Variants in LRIF1 observed in about 807,000 individuals in gnomAD.
LRIF1 encodes the protein ligand dependent nuclear receptor interacting factor 1, also known as ligand-dependent nuclear receptor-interacting factor 1.
LRIF1 carries 32 observed loss-of-function variants against 52.7 expected under a neutral mutation model. The ratio of observed to expected loss-of-function variants is 0.61; its 90% CI spans 0.46 to 0.82. The LOEUF (loss-of-function observed/expected upper bound fraction) is 0.82, where lower values mean the gene tolerates loss of function less well. Ranked by LOEUF, LRIF1 falls within the 40% of genes least tolerant of loss-of-function variation. The probability of loss-of-function intolerance (pLI) is 0.00; values close to 1 mark genes in which losing one functional copy is unlikely to be tolerated. For synonymous variants in LRIF1, 323 were observed against 317.4 expected (o/e 1.02, Z -0.19); for missense variants, 887 against 892.0 (o/e 0.99, Z 0.07).
chr1:110,963,025 G>A (rs1659026495), intron 1 of LRIF1, among the ~76,000 whole-genome samples: 2 of 152,136 alleles, frequency 1.3e-5, no homozygotes, highest in Middle Eastern at 3.4e-3. Flanking sequence ...AATAGCCAAT[G>A]AAATGGCACT....
chr1:110,949,722 A>T, intron 3 of LRIF1, 129 bp downstream of exon 3: 1 of 1,020,334 alleles, frequency 9.8e-7, no homozygotes, highest in Non-Finnish European at 1.4e-6. Flanking sequence ...TTTTGGTATT[A>T]TGTATTTGCA....
the LRIF1 span, chr1:110,894,505 G>C: frequency 1.1e-6 from 1 of 893,900 alleles, no homozygotes; most frequent in Non-Finnish European, 1.8e-6. Context: ...AATAGAGATA[G>C]AAATGAAGTG....
intron 1 of LRIF1, among the ~76,000 whole-genome samples, chr1:110,962,357 G>T (rs1658997326): frequency 6.6e-6 from 1 of 151,958 alleles, no homozygotes. Context: ...CTCTTTTTAT[G>T]ATTTGAAATA....
Position 110,949,309 on chromosome 1 carries a change from G to A in LRIF1, c.1869+542C>T, listed in dbSNP as rs1297193280. ...AATTTTTTGTATTTTTAGTAGAGACGGGGTTTCACCATGTTGGCCAAGATG... is the reference window on the plus strand; with the variant it reads ...AATTTTTTGTATTTTTAGTAGAGACAGGGTTTCACCATGTTGGCCAAGATG... On this transcript the variant is annotated intron_variant, in intron 3 of 3. Coordinates refer to ENST00000369763, the MANE Select transcript of LRIF1 (RefSeq NM_018372.4). 2.6e-5 allele frequency among the ~76,000 whole-genome samples: 4 copies of A among 151,902 alleles called. No homozygotes were observed. The East Asian group carries it at 5.8e-4, about 22-fold the overall frequency.
In LRIF1 at chr1:110,951,676, G is replaced by A; in HGVS notation, c.1208C>T (p.Pro403Leu). ...KDTLQTVSSS[P>L]VTEISREVVN... ...AACCTCTCTGGATATTTCTGTGACT[G>A]GACTTGAACTCACTGTCTGTAACGT... The change falls in exon 2 of 4, where the codon CCA becomes CTA. Residue 403 changes from proline to leucine, a missense_variant. Physicochemically the swap from Pro to Leu is moderately conservative, Grantham distance 98. Transcript: ENST00000369763. 1.9e-6 allele frequency: 3 copies of A among 1,614,006 alleles called. 1 individual carries two copies. Among genetic ancestry groups the A allele is most frequent in the South Asian group, 2.2e-5 (2 of 91,078 alleles).
chr1:110,907,292 ATT>A, the LRIF1 span, among the ~76,000 whole-genome samples: 1 of 152,064 alleles, frequency 6.6e-6, no homozygotes, highest in Non-Finnish European at 1.5e-5. Context: ...GCAATTATAT[ATT>A]TTTTGCTACC....
the LRIF1 span, among the ~76,000 whole-genome samples, chr1:110,906,512 C>T: frequency 2.5e-3 from 383 of 152,208 alleles, 1 homozygote; most frequent in African/African-American, 8.9e-3. Context: ...CCACTGCACT[C>T]CAGCCTGGGT....
the LRIF1 span, among the ~76,000 whole-genome samples, chr1:110,878,946 T>A: frequency 1.3e-5 from 2 of 152,230 alleles, no homozygotes; most frequent in Non-Finnish European, 2.9e-5. Flanking sequence ...CTTTTATTAC[T>A]GAAATTTAAC....
At chr1:110,896,143 A>G in the LRIF1 span, among the ~76,000 whole-genome samples, 1 of 152,182 alleles carries the variant, frequency 6.6e-6, no homozygotes, top group Non-Finnish European at 1.5e-5. Context: ...TTTGTCCTTT[A>G]GACTTCTCCA....
chr1:110,927,100 A>T, the LRIF1 span, among the ~76,000 whole-genome samples: 1 of 152,232 alleles, frequency 6.6e-6, no homozygotes. Flanking sequence ...ACATAAAATC[A>T]GTATGAGGTG....
the LRIF1 span, among the ~76,000 whole-genome samples, chr1:110,878,273 G>A: frequency 6.6e-6 from 1 of 152,226 alleles, no homozygotes; most frequent in African/African-American, 2.4e-5. Flanking sequence ...CCCTCACTGG[G>A]GCAGATTTTC....
chr1:110,901,799 G>A, the LRIF1 span, among the ~76,000 whole-genome samples: 1 of 152,164 alleles, frequency 6.6e-6, no homozygotes, highest in Non-Finnish European at 1.5e-5. Context: ...AGTATCACAA[G>A]TTTCAAAAGT....
the LRIF1 span, among the ~76,000 whole-genome samples, chr1:110,883,765 C>A: frequency 1.3e-5 from 2 of 151,612 alleles, no homozygotes; most frequent in Admixed American, 6.6e-5. Context: ...TTGAGTGAGA[C>A]TTGGTAATTT....
chr1:110,922,614 C>A, the LRIF1 span, among the ~76,000 whole-genome samples: 1 of 152,066 alleles, frequency 6.6e-6, no homozygotes, highest in Non-Finnish European at 1.5e-5. Context: ...TAAAGTTATC[C>A]GTCCAATATG....
At chr1:110,899,047 C>G in the LRIF1 span, 1 of 1,094,526 alleles carries the variant, frequency 9.1e-7, no homozygotes, top group East Asian at 2.4e-5. Context: ...TTCTTTTTCT[C>G]AGAGGCCAAT....
the LRIF1 span, among the ~76,000 whole-genome samples, chr1:110,893,239 T>A: frequency 6.6e-6 from 1 of 152,242 alleles, no homozygotes; most frequent in East Asian, 1.9e-4. Flanking sequence ...TCTAATCACA[T>A]TGGTTCTTCC....
chr1:110,892,762 T>C, the LRIF1 span: 1 of 468,010 alleles, frequency 2.1e-6, no homozygotes, highest in African/African-American at 2.0e-5. Context: ...CATTTTTATA[T>C]TGCTAATAAT....
chr1:110,921,265 G>A, the LRIF1 span, among the ~76,000 whole-genome samples: 1 of 151,368 alleles, frequency 6.6e-6, no homozygotes, highest in Admixed American at 6.6e-5. Flanking sequence ...GGTTACCAGT[G>A]AAGTGCAGAA....
At chr1:110,898,995 G>C in the LRIF1 span, 2 of 655,344 alleles carry the variant, frequency 3.1e-6, no homozygotes, top group South Asian at 3.7e-5. Flanking sequence ...AGAGAGACTT[G>C]AAAGTAATGG....
Sources: gnomAD v4.1 joint callset for allele counts (sites outside exome capture counted in the v4.1 genomes callset) on GRCh38, gnomAD v4.1.1 for gene constraint, MANE v1.5 for transcripts, NCBI Gene and HGNC (gene_info 2026-07-23, HGNC 2026-07-21) for gene names.